NSUN3: variants seen among roughly 807,000 people sequenced by gnomAD.
NSUN3 encodes tRNA (cytosine(34)-C(5))-methyltransferase, mitochondrial.
Under a neutral mutation model 36.8 loss-of-function variants are expected in NSUN3, and 24 were observed. The observed-to-expected ratio is 0.65, with a 90% CI of 0.47 to 0.92. NSUN3 has a LOEUF of 0.92. Ranked by LOEUF, NSUN3 falls within the 40% of genes least tolerant of loss-of-function variation. The pLI is 0.00. For synonymous variants in NSUN3, 146 were observed against 145.2 expected (o/e 1.01, Z -0.04); for missense variants, 381 against 392.8 (o/e 0.97, Z 0.25).
At chr3:94,091,494 G>T (rs1033207684) in intron 3 of NSUN3, among the ~76,000 whole-genome samples, 1 of 152,160 alleles carries the variant, frequency 6.6e-6, no homozygotes, top group South Asian at 2.1e-4. Flanking sequence ...ACCATCATTG[G>T]CTATATAAGA....
At position 94,125,785 on chromosome 3, in the gene NSUN3, G is replaced by T. The variant is rs73159592; in HGVS notation, c.744-426G>T. On this transcript the variant is annotated intron_variant, in intron 5 of 5. Coordinates refer to ENST00000314622, the MANE Select transcript of NSUN3 (RefSeq NM_022072.5). ...AAATAGGTGTAAGATCAGAGATTGG[G>T]CACAGTGGCTCACGCCTGTAATCCC... Among the ~76,000 whole-genome samples the T allele has an allele frequency of 8.1e-3, 1,232 of 152,294 alleles. 13 individuals are homozygous for T. Among genetic ancestry groups the T allele is most frequent in the Middle Eastern group, 0.014 (4 of 294 alleles).
At chr3:94,080,897 C>G (rs1576084708) in intron 2 of NSUN3, among the ~76,000 whole-genome samples, 2 of 152,106 alleles carry the variant, frequency 1.3e-5, no homozygotes, top group Admixed American at 6.5e-5. Context: ...GCTTCAGCAC[C>G]CCTTTCCAGG....
At chr3:94,081,800 T>G (rs1386117899) in intron 2 of NSUN3, 1 of 152,190 alleles carries the variant, frequency 6.6e-6, no homozygotes, top group East Asian at 1.9e-4. Flanking sequence ...AAAAATTGAC[T>G]GCAATAAAGA....
chr3:94,111,782 C>T (rs1049204947), intron 5 of NSUN3, among the ~76,000 whole-genome samples: 1 of 151,786 alleles, frequency 6.6e-6, no homozygotes, highest in South Asian at 2.1e-4. Flanking sequence ...CTGGTAACCT[C>T]CTGTAGGATC....
At chr3:94,098,625 A>C (rs2077352855) in intron 5 of NSUN3, among the ~76,000 whole-genome samples, 1 of 152,078 alleles carries the variant, frequency 6.6e-6, no homozygotes, top group South Asian at 2.1e-4. Context: ...TACTTCAGCA[A>C]CCTCATTGTC....
intron 5 of NSUN3, among the ~76,000 whole-genome samples, chr3:94,109,919 T>C (rs1002414574): frequency 2.6e-5 from 4 of 152,232 alleles, no homozygotes; most frequent in Non-Finnish European, 5.9e-5. Context: ...CAAAAGCAGT[T>C]ATTTTTCTGA....
chr3:94,118,539 A>G (rs745500718), intron 5 of NSUN3, among the ~76,000 whole-genome samples: 5 of 152,142 alleles, frequency 3.3e-5, no homozygotes, highest in Non-Finnish European at 5.9e-5. Flanking sequence ...GTTAGCACAA[A>G]TACGACATTA....
chr3:94,080,091 G>A (rs984582328), intron 2 of NSUN3, among the ~76,000 whole-genome samples: 1 of 152,006 alleles, frequency 6.6e-6, no homozygotes, highest in Non-Finnish European at 1.5e-5. Context: ...TTTGATGTTG[G>A]TGACCTTTGG....
intron 3 of NSUN3, among the ~76,000 whole-genome samples, chr3:94,093,518 A>T (rs1009246752): frequency 6.6e-6 from 1 of 152,126 alleles, no homozygotes; most frequent in Non-Finnish European, 1.5e-5. Flanking sequence ...GGTAAACTGC[A>T]TGTGGGCTGG....
chr3:94,084,511 C>T (rs1053263472), intron 3 of NSUN3, 61 bp downstream of exon 3: 4 of 1,290,540 alleles, frequency 3.1e-6, no homozygotes, highest in Admixed American at 4.5e-5. Context: ...ATAGAGAATT[C>T]TGAAAGTATA....
Position 94,127,919 on chromosome 3 carries a change from A to C in NSUN3, c.*1429A>C, listed in dbSNP as rs909828756. 9.9e-5 allele frequency: 15 copies of C among 152,020 alleles called. No homozygotes were observed. The highest frequency in any genetic ancestry group is 3.4e-4 in the African/African-American group (14 of 41,376). The allele number at this position is 152,020 out of a possible 1,614,324, so 9.4% of individuals were successfully genotyped here. On this transcript the variant is annotated 3_prime_UTR_variant, in exon 6 of 6. Coordinates refer to ENST00000314622, the MANE Select transcript of NSUN3 (RefSeq NM_022072.5). ...TTGTTTTCCTTTATGTCCAATTGAT[A>C]TGTTTAAAGTAAAGCTAAAGTCCAG...
chr3:94,066,119 C>T (rs944915284), intron 2 of NSUN3, among the ~76,000 whole-genome samples: 4 of 150,240 alleles, frequency 2.7e-5, no homozygotes, highest in Non-Finnish European at 4.4e-5. Context: ...AGTCTGGCTA[C>T]TCATATCCTA....
chr3:94,094,357 G>T (rs1392059273), intron 4 of NSUN3, 63 bp downstream of exon 4: 21 of 1,480,398 alleles, frequency 1.4e-5, no homozygotes, highest in Non-Finnish European at 1.8e-5. Context: ...ATGTTGCTTT[G>T]TGGTTGTTAT....
At chr3:94,095,272 C>G (rs907769361) in intron 5 of NSUN3, 118 bp downstream of exon 5, 21 of 973,330 alleles carry the variant, frequency 2.2e-5, no homozygotes, top group Non-Finnish European at 2.9e-5. Context: ...GATTATTCCT[C>G]CAAAGGCTAC....
At position 94,112,218 on chromosome 3, in the gene NSUN3, A is replaced by G. The variant is rs369946184; in HGVS notation, c.744-13993A>G. On this transcript the variant is annotated intron_variant, in intron 5 of 5. Transcript: ENST00000314622. ...GTTACTGTCATCTAAAAACACCCTC[A>G]CAGACACACCCAGAATAATACTTGA... Among the ~76,000 whole-genome samples the G allele has an allele frequency of 1.4e-4, 21 of 152,316 alleles. 1 individual carries two copies. In the East Asian group the frequency reaches 2.5e-3, roughly 18 times the overall value.
At chr3:94,065,974 G>T (rs1412252907) in intron 2 of NSUN3, among the ~76,000 whole-genome samples, 1 of 151,880 alleles carries the variant, frequency 6.6e-6, no homozygotes, top group African/African-American at 2.4e-5. Context: ...TGGCAGAGCT[G>T]AGGCTTGTGC....
Position 94,128,482 on chromosome 3 carries a change from C to T in NSUN3, c.*1992C>T, listed in dbSNP as rs1235468648. Reference sequence around the variant, plus strand: ...ATGTCGGTATTTTCCCAGTATAATGCGATGAAGCTTAATCTGAATACTTGG... The same window carrying T: ...ATGTCGGTATTTTCCCAGTATAATGTGATGAAGCTTAATCTGAATACTTGG... On this transcript the variant is annotated 3_prime_UTR_variant, in exon 6 of 6. Coordinates refer to ENST00000314622, the MANE Select transcript of NSUN3 (RefSeq NM_022072.5). 3 of 150,254 alleles carry T rather than the reference C, an allele frequency of 2.0e-5. No homozygotes were observed. Among genetic ancestry groups the T allele is most frequent in the Non-Finnish European group, 3.0e-5 (2 of 67,758 alleles). The allele number at this position is 150,254 out of a possible 1,614,324, so 9.3% of individuals were successfully genotyped here.
intron 5 of NSUN3, among the ~76,000 whole-genome samples, chr3:94,106,667 G>GT (rs911177319): frequency 8.6e-5 from 13 of 151,814 alleles, no homozygotes; most frequent in Non-Finnish European, 1.5e-4. Flanking sequence ...AGTGGTCGGG[G>GT]TTTTTTTTGT....
intron 5 of NSUN3, among the ~76,000 whole-genome samples, chr3:94,098,431 T>C (rs183480070): frequency 6.6e-6 from 1 of 152,350 alleles, no homozygotes; most frequent in East Asian, 1.9e-4. Context: ...ATTATCCTTC[T>C]GGAAATCCTA....
Sources: allele counts gnomAD v4.1 joint callset (sites outside exome capture counted in the v4.1 genomes callset), GRCh38; gene constraint gnomAD v4.1.1; transcripts MANE v1.5; gene names NCBI Gene and HGNC (gene_info 2026-07-23, HGNC 2026-07-21).